The following NRXN3 variants were observed in gnomAD, a reference collection of about 807,000 sequenced individuals.
The protein encoded by NRXN3 is neurexin 3, also known as neurexin III.
In NRXN3, 32 loss-of-function variants were observed where a neutral mutation model predicts 137.6. The observed-to-expected ratio is 0.23, with a 90% CI of 0.18 to 0.31. The LOEUF is 0.31. Among genes scored for constraint, NRXN3 ranks in the 10% least tolerant of loss-of-function variants. The pLI is 1.00. For synonymous variants in NRXN3, 798 were observed against 784.5 expected (o/e 1.02, Z -0.29); for missense variants, 1,574 against 2,062.5 (o/e 0.76, Z 4.59).
At position 78,810,299 on chromosome 14, in the gene NRXN3, T is replaced by C. The variant is rs2098903615; in HGVS notation, c.2249-19T>C. The C allele has an allele frequency of 4.0e-6, 6 of 1,495,484 alleles. No individual in the cohort carries two copies. The East Asian group carries it at 1.4e-4, about 36-fold the overall frequency. The allele number at this position is 1,495,484 out of a possible 1,614,324, so 92.6% of individuals were successfully genotyped here. A position where few individuals can be genotyped will look rare whatever the true frequency, so the allele number is the denominator to read the frequency against. The stretch of plus-strand genomic sequence containing the variant: ...TTGAAGGATGCAATTTCATCTTTCA[T>C]TTATTTTTCCCCATCTAGACTGTAT... On this transcript the variant is annotated intron_variant, in intron 9 of 20. Coordinates refer to ENST00000335750, the MANE Select transcript of NRXN3 (RefSeq NM_001330195.2).
At chr14:78,494,995 T>C (rs2095748163) in intron 4 of NRXN3, among the ~76,000 whole-genome samples, 1 of 151,944 alleles carries the variant, frequency 6.6e-6, no homozygotes, top group Admixed American at 6.6e-5. Flanking sequence ...TCATGGAATA[T>C]GGAAGTGTTT....
chr14:79,560,878 TA>T (rs1294091674), intron 16 of NRXN3, among the ~76,000 whole-genome samples: 1 of 152,058 alleles, frequency 6.6e-6, no homozygotes, highest in South Asian at 2.1e-4. Context: ...CCAAAGAACT[TA>T]AAGTGTTCCA....
rs1213332196 is a variant in NRXN3, at chr14:79,412,614, T to TA, written c.3263-54597dup. 4.9e-3 allele frequency among the ~76,000 whole-genome samples: 626 copies of TA among 126,772 alleles called. 1 individual carries two copies. Among genetic ancestry groups the TA allele is most frequent in the African/African-American group, 0.01 (384 of 37,348 alleles). 83.2% of individuals were successfully genotyped at this position (126,772 alleles called of 152,430 possible). A position where few individuals can be genotyped will look rare whatever the true frequency, so the allele number is the denominator to read the frequency against. The stretch of plus-strand genomic sequence containing the variant: ...GCCAACATGATGAAACCCCATCTAC[T>TA]AAAAAAAAAATACAAAAAAGTAGCC... On this transcript the variant is annotated intron_variant, in intron 15 of 20. Coordinates refer to ENST00000335750, the MANE Select transcript of NRXN3 (RefSeq NM_001330195.2).
intron 4 of NRXN3, among the ~76,000 whole-genome samples, chr14:78,576,172 A>C (rs1468810773): frequency 6.6e-6 from 1 of 152,204 alleles, no homozygotes. Context: ...AAAAGGGAGG[A>C]AATAGAGGCA....
intron 19 of NRXN3, among the ~76,000 whole-genome samples, chr14:79,792,665 C>A (rs557690151): frequency 2.0e-5 from 3 of 152,118 alleles, no homozygotes; most frequent in Non-Finnish European, 4.4e-5. Context: ...TTTAAAGATG[C>A]CACTGACTCA....
At chr14:78,277,838 A>G (rs564454809) in intron 2 of NRXN3, among the ~76,000 whole-genome samples, 9 of 152,288 alleles carry the variant, frequency 5.9e-5, no homozygotes, top group African/African-American at 1.9e-4. Context: ...CATTTTCTGA[A>G]AGTTCATTGG....
Position 78,568,961 on chromosome 14 carries a change from G to GTTTTTTTTTTT in NRXN3, c.758-76145_758-76135dup, listed in dbSNP as rs34485878. 8.8e-4 allele frequency among the ~76,000 whole-genome samples: 91 copies of GTTTTTTTTTTT among 103,748 alleles called. 6 individuals carry two copies. The highest frequency in any genetic ancestry group is 3.4e-3 in the African/African-American group (84 of 24,456). The allele number at this position is 103,748 out of a possible 152,430, so 68.1% of individuals were successfully genotyped here. A position where few individuals can be genotyped will look rare whatever the true frequency, so the allele number is the denominator to read the frequency against. On this transcript the variant is annotated intron_variant, in intron 4 of 20. Coordinates refer to ENST00000335750, the MANE Select transcript of NRXN3 (RefSeq NM_001330195.2). ...TGTGGTGGGAAATATGACTTTGCAGGTTTTTTTTTTTTTTTTTTTTTTTTG... is the reference window on the plus strand; with the variant it reads ...TGTGGTGGGAAATATGACTTTGCAGGTTTTTTTTTTTTTTTTTTTTTTTTTTTTTTTTTTTG...
intron 15 of NRXN3, among the ~76,000 whole-genome samples, chr14:79,419,177 G>A (rs2095540273): frequency 6.6e-6 from 1 of 152,190 alleles, no homozygotes; most frequent in Non-Finnish European, 1.5e-5. Context: ...CATCTTGAAA[G>A]AAGTTCTTTC....
At chr14:79,806,195 AT>A (rs1325575184) in intron 20 of NRXN3, among the ~76,000 whole-genome samples, 3 of 152,102 alleles carry the variant, frequency 2.0e-5, no homozygotes, top group Non-Finnish European at 4.4e-5. Flanking sequence ...TTGCTTTCAG[AT>A]TTTTTTCCTT....
intron 20 of NRXN3, among the ~76,000 whole-genome samples, chr14:79,837,137 T>C (rs990075860): frequency 1.3e-5 from 2 of 152,192 alleles, no homozygotes; most frequent in Admixed American, 6.6e-5. Context: ...TTGATTCTTA[T>C]GTTGAAAGGC....
intron 10 of NRXN3, among the ~76,000 whole-genome samples, chr14:78,925,838 A>G (rs950021318): frequency 1.3e-5 from 2 of 152,178 alleles, no homozygotes; most frequent in East Asian, 3.8e-4. Flanking sequence ...GTGTGACCTT[A>G]AGGAGAAATA....
chr14:79,555,893 T>C (rs990634540), intron 16 of NRXN3, among the ~76,000 whole-genome samples: 15 of 152,144 alleles, frequency 9.9e-5, no homozygotes, highest in African/African-American at 3.4e-4. Context: ...GCCAAATTGC[T>C]CTACTAAAAT....
intron 10 of NRXN3, among the ~76,000 whole-genome samples, chr14:78,815,473 T>C (rs1262302932): frequency 8.8e-6 from 1 of 113,286 alleles, no homozygotes; most frequent in Non-Finnish European, 1.8e-5. Context: ...GATAATTTGT[T>C]TCTTTCTTTT....
chr14:78,761,334 T>C (rs191633134), intron 8 of NRXN3, among the ~76,000 whole-genome samples: 9 of 152,318 alleles, frequency 5.9e-5, no homozygotes, highest in Admixed American at 2.0e-4. Context: ...TCAAGATTAA[T>C]GATTCCTTGG....
intron 15 of NRXN3, among the ~76,000 whole-genome samples, chr14:79,454,768 G>A (rs2096235632): frequency 6.6e-6 from 1 of 151,812 alleles, no homozygotes; most frequent in African/African-American, 2.4e-5. Context: ...ATTTTAGAGG[G>A]AATGGCTGCT....
intron 2 of NRXN3, among the ~76,000 whole-genome samples, chr14:78,260,764 G>A (rs992178369): frequency 7.2e-5 from 11 of 152,308 alleles, no homozygotes; most frequent in African/African-American, 2.4e-4. Context: ...CCCCAGCCAT[G>A]TGGAACTGTA....
At chr14:78,577,382 T>C (rs1487966038) in intron 4 of NRXN3, among the ~76,000 whole-genome samples, 1 of 151,866 alleles carries the variant, frequency 6.6e-6, no homozygotes, top group African/African-American at 2.4e-5. Flanking sequence ...AAGATAAGGG[T>C]ATAGATAGAA....
chr14:79,342,455 A>G (rs1405291927), intron 15 of NRXN3, among the ~76,000 whole-genome samples: 3 of 151,930 alleles, frequency 2.0e-5, no homozygotes, highest in Non-Finnish European at 4.4e-5. Flanking sequence ...ATTCTCTCTG[A>G]CATCATAGCA....
intron 8 of NRXN3, among the ~76,000 whole-genome samples, chr14:78,740,830 G>T (rs1048675266): frequency 6.6e-6 from 1 of 151,554 alleles, no homozygotes; most frequent in African/African-American, 2.4e-5. Flanking sequence ...TTCTGGTTAT[G>T]ACTTTTTTTT....
Sources: allele counts gnomAD v4.1 joint callset (sites outside exome capture counted in the v4.1 genomes callset), GRCh38; gene constraint gnomAD v4.1.1; transcripts MANE v1.5; gene names NCBI Gene and HGNC (gene_info 2026-07-23, HGNC 2026-07-21).